Variants in GRIA1 observed in about 807,000 individuals in gnomAD.
GRIA1 encodes glutamate ionotropic receptor AMPA type subunit 1.
GRIA1 carries 31 observed loss-of-function variants against 99.2 expected under a neutral mutation model. That is an observed-to-expected ratio of 0.31 (90% CI 0.23 to 0.42). The LOEUF is 0.42. GRIA1 is among the 10% of genes least tolerant of loss of function. The pLI, the probability that GRIA1 is intolerant of heterozygous loss-of-function variation, is 1.00. For synonymous variants in GRIA1, 438 were observed against 432.4 expected (o/e 1.01, Z -0.16); for missense variants, 782 against 1,157.5 (o/e 0.68, Z 4.71).
chr5:153,589,029 A>T (rs1763736878), intron 2 of GRIA1, among the ~76,000 whole-genome samples: 3 of 152,188 alleles, frequency 2.0e-5, no homozygotes, highest in Admixed American at 1.3e-4. Flanking sequence ...ATATTATTCT[A>T]AGTGAGGGAA....
At chr5:153,734,998 G>A (rs921043651) in intron 11 of GRIA1, among the ~76,000 whole-genome samples, 2 of 152,164 alleles carry the variant, frequency 1.3e-5, no homozygotes, top group African/African-American at 4.8e-5. Flanking sequence ...ATTTTTGGAT[G>A]CCACAACTTG....
intron 2 of GRIA1, among the ~76,000 whole-genome samples, chr5:153,564,812 A>G (rs1561646193): frequency 6.6e-6 from 1 of 152,190 alleles, no homozygotes; most frequent in Non-Finnish European, 1.5e-5. Flanking sequence ...CACAGAACCA[A>G]CAGACAAAAT....
chr5:153,788,183 T>G (rs1369555952), intron 13 of GRIA1, among the ~76,000 whole-genome samples: 1 of 152,096 alleles, frequency 6.6e-6, no homozygotes, highest in Non-Finnish European at 1.5e-5. Flanking sequence ...GGTCCCTCAG[T>G]CTACACAATC....
intron 11 of GRIA1, among the ~76,000 whole-genome samples, chr5:153,740,538 T>C (rs981991627): frequency 6.6e-6 from 1 of 152,228 alleles, no homozygotes; most frequent in Admixed American, 6.5e-5. Context: ...ACCACTATCT[T>C]TTCTGACTCA....
At position 153,698,105 on chromosome 5, in the gene GRIA1, G is replaced by A; in HGVS notation, c.1196G>A (p.Gly399Asp). The stretch of plus-strand genomic sequence containing the variant: ...GCAGCCACCGATGCCCAAGCTGGGG[G>A]CGATAATTCAAGTGTTCAGAACAGA... ...VPAATDAQAGGDNSSVQNRTY... is the reference protein window; with the variant it reads ...VPAATDAQAGDDNSSVQNRTY... Residue 399 changes from glycine to aspartate, a missense_variant, in exon 9 of 16, where the codon GGC becomes GAC. Gly to Asp is a moderately conservative substitution (Grantham distance 94, BLOSUM62 -1). Around this residue, in one of 5 missense-constraint regions of GRIA1, gnomAD observed 461 missense variants for 521.7 expected, o/e 0.88. Transcript: ENST00000285900. 1 of 1,611,620 alleles carries A rather than the reference G, an allele frequency of 6.2e-7. No homozygotes were observed. Among genetic ancestry groups the A allele is most frequent in the Non-Finnish European group, 8.5e-7 (1 of 1,177,772 alleles).
chr5:153,642,824 A>T lies in GRIA1; in HGVS notation c.221-4104A>T, dbSNP rs188828648. 2.6e-5 allele frequency among the ~76,000 whole-genome samples: 4 copies of T among 152,274 alleles called. No homozygotes were observed. In the East Asian group the frequency reaches 7.7e-4, roughly 29 times the overall value. ...TCTCTCCTACTTGTCATATCTGACA[A>T]TGTAGTCTCCATCTCTGGCTCCCTT... On this transcript the variant is annotated intron_variant, in intron 2 of 15. Coordinates refer to ENST00000285900, the MANE Select transcript of GRIA1 (RefSeq NM_000827.4).
chr5:153,603,261 T>G (rs1442682973), intron 2 of GRIA1, among the ~76,000 whole-genome samples: 1 of 152,226 alleles, frequency 6.6e-6, no homozygotes, highest in Non-Finnish European at 1.5e-5. Flanking sequence ...CTCATCATTT[T>G]TTAAGGCTGC....
At chr5:153,661,223 C>G (rs981794062) in intron 5 of GRIA1, among the ~76,000 whole-genome samples, 1 of 152,196 alleles carries the variant, frequency 6.6e-6, no homozygotes, top group Non-Finnish European at 1.5e-5. Context: ...TGTTTAGTTT[C>G]TGCAGCTTCT....
intron 2 of GRIA1, 59 bp downstream of exon 2, chr5:153,494,124 C>T: frequency 6.4e-7 from 1 of 1,562,988 alleles, no homozygotes; most frequent in Non-Finnish European, 8.7e-7. Context: ...GAAAGGAGGG[C>T]CTGTGGGTAG....
chr5:153,599,290 G>C (rs1764688073), intron 2 of GRIA1, among the ~76,000 whole-genome samples: 1 of 152,156 alleles, frequency 6.6e-6, no homozygotes, highest in South Asian at 2.1e-4. Flanking sequence ...TGTCCAGAAA[G>C]TTTACTGAGC....
At chr5:153,507,167 A>G (rs1755594733) in intron 2 of GRIA1, among the ~76,000 whole-genome samples, 1 of 152,106 alleles carries the variant, frequency 6.6e-6, no homozygotes, top group Non-Finnish European at 1.5e-5. Flanking sequence ...TTCTATGTTG[A>G]TGTAATGAAC....
chr5:153,562,323 G>A (rs532242415), intron 2 of GRIA1, among the ~76,000 whole-genome samples: 3 of 152,114 alleles, frequency 2.0e-5, no homozygotes, highest in Admixed American at 1.3e-4. Context: ...GACTTGGAGT[G>A]GGGGTGGAGG....
At chr5:153,666,627 A>G (rs2149476938) in intron 5 of GRIA1, among the ~76,000 whole-genome samples, 1 of 152,306 alleles carries the variant, frequency 6.6e-6, no homozygotes, top group South Asian at 2.1e-4. Context: ...GCTATACTGT[A>G]CTGAGCAGGA....
chr5:153,612,955 C>CT (rs1354902385), intron 2 of GRIA1, among the ~76,000 whole-genome samples: 2 of 151,922 alleles, frequency 1.3e-5, no homozygotes, highest in African/African-American at 2.4e-5. Flanking sequence ...TTGAAGAACA[C>CT]TTATTTATTT....
At chr5:153,681,400 C>T in intron 7 of GRIA1, among the ~76,000 whole-genome samples, 1 of 152,138 alleles carries the variant, frequency 6.6e-6, no homozygotes, top group Admixed American at 6.5e-5. Context: ...CCCAGGCAAA[C>T]TGAGATGGGT....
At chr5:153,701,619 C>CAAAAAAAAAAAAAAAGAA (rs1758527129) in intron 10 of GRIA1, among the ~76,000 whole-genome samples, 1 of 39,426 alleles carries the variant, frequency 2.5e-5, no homozygotes, top group African/African-American at 9.2e-5. Flanking sequence ...AGACCCGTCT[C>CAAAAAAAAAAAAAAAGAA]AAAAAAAAAA....
intron 7 of GRIA1, among the ~76,000 whole-genome samples, chr5:153,679,431 C>T (rs1419729643): frequency 1.3e-5 from 2 of 152,112 alleles, no homozygotes; most frequent in African/African-American, 2.4e-5. Context: ...TCTTCTTTTC[C>T]CTCACTTTAT....
At position 153,811,219 on chromosome 5, in the gene GRIA1, A is replaced by G; in HGVS notation, c.2715A>G (p.Gly905=). ...CAGGGATGCCCTTGGGAGCCACGGG[A>G]TTGTAACTGGAGCAGATGGAGACCC... ...HSSGMPLGAT[G]L is the part of the protein sequence containing the mutation. The change falls in exon 16 of 16, where the codon GGA becomes GGG. Residue 905 remains glycine, a synonymous_variant. Coordinates refer to ENST00000285900, the MANE Select transcript of GRIA1 (RefSeq NM_000827.4). 6.2e-7 allele frequency: 1 copy of G among 1,613,364 alleles called. No individual in the cohort carries two copies. The highest frequency in any genetic ancestry group is 1.6e-4 in the Middle Eastern group (1 of 6,062).
intron 10 of GRIA1, among the ~76,000 whole-genome samples, chr5:153,703,905 C>T (rs1258467097): frequency 1.3e-5 from 2 of 152,196 alleles, no homozygotes; most frequent in Non-Finnish European, 2.9e-5. Flanking sequence ...CAAGTCATTT[C>T]CATTACTTGT....
Sources: allele counts gnomAD v4.1 joint callset (sites outside exome capture counted in the v4.1 genomes callset), GRCh38; gene constraint gnomAD v4.1.1; regional missense constraint gnomAD v4.1.1; transcripts MANE v1.5; gene names NCBI Gene and HGNC (gene_info 2026-07-23, HGNC 2026-07-21).